Variants in GMDS observed in about 807,000 individuals in gnomAD.
GMDS encodes GDP-mannose 4,6 dehydratase.
In GMDS, 20 loss-of-function variants were observed where a neutral mutation model predicts 49.9. That is an observed-to-expected ratio of 0.40 (90% CI 0.28 to 0.58). GMDS has a LOEUF of 0.58. Among genes scored for constraint, GMDS ranks in the 20% least tolerant of loss-of-function variants. GMDS has a pLI of 0.42. For synonymous variants in GMDS, 177 were observed against 178.6 expected, an observed-to-expected ratio of 0.99 and a Z score of 0.07; for missense variants, 362 against 481.4, an observed-to-expected ratio of 0.75 and a Z score of 2.32.
chr6:1,803,319 A>G (rs529618297), intron 7 of GMDS, among the ~76,000 whole-genome samples: 2 of 152,302 alleles, frequency 1.3e-5, no homozygotes, highest in East Asian at 3.9e-4. Context: ...GCAGTCGAGA[A>G]GGCAAAAAAC....
chr6:1,930,861 A>G (rs1762255491), intron 6 of GMDS: 1 of 152,218 alleles, frequency 6.6e-6, no homozygotes, highest in South Asian at 2.1e-4. Flanking sequence ...GTTTCTCTGT[A>G]CTATACTTAA....
chr6:2,137,429 G>C (rs1206986602), intron 1 of GMDS, among the ~76,000 whole-genome samples: 1 of 151,432 alleles, frequency 6.6e-6, no homozygotes, highest in Non-Finnish European at 1.5e-5. Flanking sequence ...TGCCTCCCCG[G>C]TTCAAGTGAT....
chr6:1,709,766 G>T (rs914247049), intron 9 of GMDS, among the ~76,000 whole-genome samples: 2 of 152,340 alleles, frequency 1.3e-5, no homozygotes, highest in Admixed American at 1.3e-4. Flanking sequence ...AATTAATGCT[G>T]TAACTAGGAT....
intron 2 of GMDS, 61 bp downstream of exon 2, chr6:2,124,626 T>C (rs377650626): frequency 2.3e-4 from 287 of 1,227,320 alleles, no homozygotes; most frequent in Non-Finnish European, 2.6e-4. Context: ...AGAGGAAGCA[T>C]GTGGCCGCTG....
intron 1 of GMDS, among the ~76,000 whole-genome samples, chr6:2,210,093 T>C (rs1323480445): frequency 6.6e-6 from 1 of 152,208 alleles, no homozygotes; most frequent in Non-Finnish European, 1.5e-5. Flanking sequence ...AAGTAACCAA[T>C]TTAGCTCCTG....
intron 9 of GMDS, among the ~76,000 whole-genome samples, chr6:1,685,209 C>T (rs1390231603): frequency 5.2e-5 from 3 of 57,314 alleles, no homozygotes; most frequent in African/African-American, 1.3e-4. Flanking sequence ...TCAGCCTGGT[C>T]AACATGGTGA....
At chr6:2,228,424 G>GTT (rs375575760) in intron 1 of GMDS, among the ~76,000 whole-genome samples, 124 of 152,192 alleles carry the variant, frequency 8.1e-4, no homozygotes, top group African/African-American at 2.9e-3. Flanking sequence ...AGCTGAGCCC[G>GTT]TTTTTTAAAC....
chr6:2,127,282 A>C (rs1289484074), intron 1 of GMDS, among the ~76,000 whole-genome samples: 1 of 152,230 alleles, frequency 6.6e-6, no homozygotes, highest in Non-Finnish European at 1.5e-5. Flanking sequence ...AAAGCCCTGT[A>C]AAGTATGAAG....
rs191164206 is a variant in GMDS, at chr6:1,938,322, C to T, written c.644-8092G>A. Among the ~76,000 whole-genome samples, 118 of 152,174 alleles carry T rather than the reference C, an allele frequency of 7.8e-4. 2 individuals carry two copies. The highest frequency in any genetic ancestry group is 5.9e-5 in the Non-Finnish European group (4 of 68,034). ...TGTGTCTACCAATTTCCTTTGTCAT[C>T]ATTCTTTCTTGCATCTTTCTTGTGG... On this transcript the variant is annotated intron_variant, in intron 6 of 10. Coordinates refer to ENST00000380815, the MANE Select transcript of GMDS (RefSeq NM_001500.4).
chr6:2,166,353 T>C (rs953092955), intron 1 of GMDS, among the ~76,000 whole-genome samples: 1 of 152,190 alleles, frequency 6.6e-6, no homozygotes, highest in Non-Finnish European at 1.5e-5. Context: ...ACATAATAAA[T>C]GGCTGTCAGT....
At chr6:1,685,658 G>A (rs952809218) in intron 9 of GMDS, among the ~76,000 whole-genome samples, 4 of 152,126 alleles carry the variant, frequency 2.6e-5, no homozygotes, top group African/African-American at 9.7e-5. Flanking sequence ...TCCCCCACCT[G>A]CAGTTCCAAG....
At chr6:1,966,485 G>T (rs981246277) in intron 4 of GMDS, among the ~76,000 whole-genome samples, 7 of 151,940 alleles carry the variant, frequency 4.6e-5, no homozygotes, top group African/African-American at 1.5e-4. Context: ...CCACTCGATT[G>T]GCATCAAGTC....
chr6:2,217,176 C>G (rs1780381474), intron 1 of GMDS, among the ~76,000 whole-genome samples: 1 of 152,064 alleles, frequency 6.6e-6, no homozygotes, highest in African/African-American at 2.4e-5. Flanking sequence ...GATCATCAGA[C>G]AGCAGTTTCT....
intron 1 of GMDS, among the ~76,000 whole-genome samples, chr6:2,166,059 T>G (rs1269247769): frequency 6.6e-6 from 1 of 152,130 alleles, no homozygotes; most frequent in Admixed American, 6.5e-5. Context: ...GATGACAGAC[T>G]GGGCGACCCA....
chr6:2,064,831 G>A (rs144888342), intron 4 of GMDS, among the ~76,000 whole-genome samples: 115 of 152,246 alleles, frequency 7.6e-4, no homozygotes, highest in Non-Finnish European at 1.3e-3. Context: ...GAGTGCTTTT[G>A]GGGAGGGAGA....
chr6:1,722,858 A>T (rs902340111), intron 9 of GMDS, among the ~76,000 whole-genome samples: 19 of 152,264 alleles, frequency 1.2e-4, no homozygotes, highest in African/African-American at 4.6e-4. Context: ...TAAGTGGCAC[A>T]GAACTCAAGT....
chr6:2,145,085 G>A (rs1249630240), intron 1 of GMDS, among the ~76,000 whole-genome samples: 2 of 152,200 alleles, frequency 1.3e-5, no homozygotes, highest in Admixed American at 6.5e-5. Flanking sequence ...GGAGACGCAG[G>A]CCTGGGCAAG....
At chr6:1,995,745 T>C (rs528077041) in intron 4 of GMDS, among the ~76,000 whole-genome samples, 2 of 152,324 alleles carry the variant, frequency 1.3e-5, no homozygotes, top group South Asian at 4.1e-4. Context: ...GCCAGTCCTA[T>C]GGCTCAGGGC....
At chr6:1,879,337 T>A (rs1297774092) in intron 7 of GMDS, among the ~76,000 whole-genome samples, 2 of 152,176 alleles carry the variant, frequency 1.3e-5, no homozygotes, top group Non-Finnish European at 2.9e-5. Context: ...ATCAGCATTC[T>A]CAGAAACCTT....
Sources: gnomAD v4.1 joint callset for allele counts (sites outside exome capture counted in the v4.1 genomes callset) on GRCh38, gnomAD v4.1.1 for gene constraint, MANE v1.5 for transcripts, NCBI Gene and HGNC (gene_info 2026-07-23, HGNC 2026-07-21) for gene names.